MYO3A: variants seen among roughly 807,000 people sequenced by gnomAD.
MYO3A encodes myosin-IIIa.
In MYO3A, 180 loss-of-function variants were observed where a neutral mutation model predicts 192.7. The observed-to-expected ratio is 0.93, with a 90% CI of 0.83 to 1.06. The LOEUF is 1.06. MYO3A is among the 50% of genes least tolerant of loss of function. The pLI, the probability that MYO3A is intolerant of heterozygous loss-of-function variation, is 0.00. For synonymous variants in MYO3A, 628 were observed against 645.3 expected (o/e 0.97, Z 0.41); for missense variants, 1,896 against 1,905.0 (o/e 1.00, Z 0.09).
intron 4 of MYO3A, among the ~76,000 whole-genome samples, chr10:25,987,147 T>C (rs1448135620): frequency 6.6e-6 from 1 of 152,206 alleles, no homozygotes; most frequent in Non-Finnish European, 1.5e-5. Flanking sequence ...CTGGGATAAT[T>C]GGCAAGCCAC....
At chr10:26,199,903 A>AACT (rs1843605284) in intron 32 of MYO3A, among the ~76,000 whole-genome samples, 2 of 152,176 alleles carry the variant, frequency 1.3e-5, no homozygotes. Context: ...CTCTGTAGGA[A>AACT]ACTACTACTG....
At chr10:25,951,995 A>G (rs920492470) in intron 2 of MYO3A, 99 bp from the exon 3 acceptor site, 1 of 862,232 alleles carries the variant, frequency 1.2e-6, no homozygotes, top group Non-Finnish European at 1.9e-6. Flanking sequence ...AATATTTTCT[A>G]TCATATCAGT....
chr10:26,117,832 AT>A (rs145894700), intron 17 of MYO3A, among the ~76,000 whole-genome samples: 2,490 of 152,260 alleles, frequency 0.016, 83 homozygotes, highest in African/African-American at 0.057. Flanking sequence ...TAATAGAAAA[AT>A]TTATATTCTT....
At position 25,954,918 on chromosome 10, in the gene MYO3A, A is replaced by G; in HGVS notation, c.213A>G (p.Ala71=). 6.2e-7 allele frequency: 1 copy of G among 1,612,494 alleles called. No homozygotes were observed. The highest frequency in any genetic ancestry group is 1.1e-5 in the South Asian group (1 of 91,040). Residue 71 remains alanine, a synonymous_variant, in exon 4 of 35, where the codon GCA becomes GCG. Coordinates refer to ENST00000642920, the MANE Select transcript of MYO3A (RefSeq NM_017433.5). ...AAGCAGAATATAACATCTTAAAAGC[A>G]CTTTCTGACCACCCTAATGTGGTCA... ...EIEAEYNILK[A]LSDHPNVVRF... is the part of the protein sequence containing the mutation.
At chr10:26,093,805 A>T (rs1836846007) in intron 15 of MYO3A, among the ~76,000 whole-genome samples, 2 of 152,116 alleles carry the variant, frequency 1.3e-5, no homozygotes, top group African/African-American at 4.8e-5. Context: ...TTTTTTTTAA[A>T]ATTGCCAACT....
chr10:26,145,413 T>C, intron 21 of MYO3A, 33 bp from the exon 22 acceptor site: 1 of 1,402,154 alleles, frequency 7.1e-7, no homozygotes. Context: ...ATCTCATACA[T>C]GCTTGATATT....
chr10:26,207,955 A>G (rs975199389), intron 34 of MYO3A, among the ~76,000 whole-genome samples: 4 of 152,178 alleles, frequency 2.6e-5, no homozygotes, highest in African/African-American at 7.2e-5. Context: ...TTGTTCATCA[A>G]TGCTTTATAC....
chr10:26,074,778 A>T (rs1835428354), intron 14 of MYO3A, among the ~76,000 whole-genome samples: 1 of 151,426 alleles, frequency 6.6e-6, no homozygotes, highest in African/African-American at 2.4e-5. Context: ...CTTTTTTTGC[A>T]TGAGCATTTG....
intron 30 of MYO3A, 70 bp downstream of exon 30, chr10:26,174,627 ATAAT>A: frequency 7.8e-7 from 1 of 1,288,110 alleles, no homozygotes; most frequent in Non-Finnish European, 1.1e-6. Context: ...AATTAAACAC[ATAAT>A]TAATAACTGG....
intron 15 of MYO3A, among the ~76,000 whole-genome samples, chr10:26,089,518 G>A (rs747509647): frequency 7.3e-5 from 11 of 151,658 alleles, no homozygotes; most frequent in African/African-American, 9.7e-5. Context: ...GGAGAATGGC[G>A]TGAACCCAGG....
At chr10:26,158,466 A>G (rs1387347673) in intron 26 of MYO3A, among the ~76,000 whole-genome samples, 2 of 152,006 alleles carry the variant, frequency 1.3e-5, no homozygotes, top group African/African-American at 2.4e-5. Flanking sequence ...CGTGTTAGCC[A>G]GGATGGTCTC....
At chr10:25,960,583 T>C (rs1457803664) in intron 4 of MYO3A, among the ~76,000 whole-genome samples, 1 of 152,174 alleles carries the variant, frequency 6.6e-6, no homozygotes, top group African/African-American at 2.4e-5. Context: ...TAAAATAAGC[T>C]ATAGAAAAGA....
intron 2 of MYO3A, among the ~76,000 whole-genome samples, chr10:25,945,450 G>A (rs559954954): frequency 5.3e-5 from 8 of 152,140 alleles, no homozygotes; most frequent in African/African-American, 1.9e-4. Context: ...ATCCATTACT[G>A]TGGATATTGA....
chr10:26,016,373 A>G (rs1022843103), intron 6 of MYO3A, among the ~76,000 whole-genome samples: 1 of 152,226 alleles, frequency 6.6e-6, no homozygotes, highest in African/African-American at 2.4e-5. Context: ...CAAGTCACCT[A>G]CTATGTGCAT....
chr10:26,185,048 A>G (rs1404886102), intron 31 of MYO3A, among the ~76,000 whole-genome samples: 2 of 152,184 alleles, frequency 1.3e-5, no homozygotes, highest in Non-Finnish European at 1.5e-5. Flanking sequence ...AAGCAGAGCA[A>G]TCATAGTCTG....
At chr10:26,186,330 G>A (rs187287320) in intron 31 of MYO3A, among the ~76,000 whole-genome samples, 2 of 145,702 alleles carry the variant, frequency 1.4e-5, no homozygotes, top group Non-Finnish European at 3.0e-5. Context: ...GCATTGACGT[G>A]ATCTCAGCTC....
chr10:26,156,271 C>T (rs1341814564), intron 25 of MYO3A, among the ~76,000 whole-genome samples: 1 of 152,316 alleles, frequency 6.6e-6, no homozygotes, highest in East Asian at 1.9e-4. Flanking sequence ...CCAATTTCAG[C>T]ATTTGTTTTG....
chr10:26,095,373 T>A (rs1202463316), intron 15 of MYO3A, among the ~76,000 whole-genome samples: 3 of 152,042 alleles, frequency 2.0e-5, no homozygotes, highest in African/African-American at 7.3e-5. Flanking sequence ...AAGTGAAGAT[T>A]GAGGACCATC....
At chr10:26,205,243 G>C (rs993013200) in intron 34 of MYO3A, among the ~76,000 whole-genome samples, 6 of 152,096 alleles carry the variant, frequency 3.9e-5, no homozygotes, top group Non-Finnish European at 8.8e-5. Context: ...ACCTCACTTA[G>C]CTATCTTTTT....
Sources: allele counts gnomAD v4.1 joint callset (sites outside exome capture counted in the v4.1 genomes callset), GRCh38; gene constraint gnomAD v4.1.1; transcripts MANE v1.5; gene names NCBI Gene and HGNC (gene_info 2026-07-23, HGNC 2026-07-21).